Variants in DYM observed in about 807,000 individuals in gnomAD.
The protein encoded by DYM is dyggve-Melchior-Clausen syndrome protein.
DYM carries 78 observed loss-of-function variants against 93.1 expected under a neutral mutation model. That is an observed-to-expected ratio of 0.84 (90% CI 0.70 to 1.01). The LOEUF (loss-of-function observed/expected upper bound fraction) is 1.01, where lower values mean the gene tolerates loss of function less well. DYM is among the 50% of genes least tolerant of loss of function. The pLI is 0.00. For missense variants in DYM, 789 were observed against 845.0 expected, an observed-to-expected ratio of 0.93 and a Z score of 0.82; for synonymous variants, 321 against 319.7, an observed-to-expected ratio of 1.00 and a Z score of -0.04.
At chr18:49,359,346 G>A (rs1188016101) in intron 6 of DYM, among the ~76,000 whole-genome samples, 1 of 152,116 alleles carries the variant, frequency 6.6e-6, no homozygotes, top group Non-Finnish European at 1.5e-5. Context: ...GAGAGCTATG[G>A]AGTTAAGGAA....
chr18:49,233,848 C>G (rs188948615), intron 13 of DYM, among the ~76,000 whole-genome samples: 1 of 152,092 alleles, frequency 6.6e-6, no homozygotes, highest in Non-Finnish European at 1.5e-5. Flanking sequence ...TAGTGCTGGC[C>G]GGGCGCGGTG....
At chr18:49,114,697 G>T in intron 16 of DYM, 1 of 437,534 alleles carries the variant, frequency 2.3e-6, no homozygotes, top group Non-Finnish European at 3.0e-6. Context: ...GTGTTTAAGA[G>T]ATGGTCTTGA....
At chr18:49,131,961 T>C (rs1211525191) in intron 15 of DYM, among the ~76,000 whole-genome samples, 1 of 152,178 alleles carries the variant, frequency 6.6e-6, no homozygotes, top group African/African-American at 2.4e-5. Flanking sequence ...TGCTCTAGAT[T>C]AAAAGAGACA....
chr18:49,059,715 A>G (rs1324844328), intron 17 of DYM, among the ~76,000 whole-genome samples: 1 of 152,130 alleles, frequency 6.6e-6, no homozygotes, highest in Non-Finnish European at 1.5e-5. Flanking sequence ...CTTACTCAGT[A>G]CCACCGGAGA....
intron 2 of DYM, among the ~76,000 whole-genome samples, chr18:49,408,134 T>C (rs1232910742): frequency 6.6e-6 from 1 of 151,714 alleles, no homozygotes; most frequent in Non-Finnish European, 1.5e-5. Context: ...ATATATCATA[T>C]ACATTTTAAA....
intron 13 of DYM, among the ~76,000 whole-genome samples, chr18:49,222,200 ATTATAT>A (rs896890383): frequency 5.3e-5 from 8 of 152,110 alleles, no homozygotes; most frequent in Non-Finnish European, 1.0e-4. Flanking sequence ...AGAGAAAAAC[ATTATAT>A]TTATGTTATT....
At chr18:49,311,873 A>G (rs2061614247) in intron 8 of DYM, among the ~76,000 whole-genome samples, 1 of 151,956 alleles carries the variant, frequency 6.6e-6, no homozygotes. Context: ...CTTAAAGTAT[A>G]ATAATTAAAA....
rs918109165 is a variant in DYM at position 49,378,755 on chromosome 18, T to C, written c.288-55A>G. 6 of 1,580,862 alleles carry C rather than the reference T, an allele frequency of 3.8e-6. No homozygotes were observed. In the African/African-American group the frequency reaches 6.7e-5, roughly 18 times the overall value. ...ATATTTAAACATAAGCACCATAGTT[T>C]ATTTCTAGTTCATGATTTCTTCCTG... On this transcript the variant is annotated intron_variant, in intron 4 of 17. Coordinates refer to ENST00000675505, the MANE Select transcript of DYM (RefSeq NM_001353214.3).
At chr18:49,447,452 T>C (rs2148666691) in intron 1 of DYM, 1 of 152,376 alleles carries the variant, frequency 6.6e-6, no homozygotes, top group African/African-American at 2.4e-5. Flanking sequence ...GGCAGCTTTG[T>C]CCGGGATACC....
rs138724226 is a variant in DYM at position 49,119,900 on chromosome 18, C to T, written c.1729-974G>A. Among the ~76,000 whole-genome samples the T allele has an allele frequency of 9.9e-5, 15 of 151,930 alleles. No individual in the cohort carries two copies. In the Middle Eastern group the frequency reaches 0.02, roughly 207 times the overall value. On this transcript the variant is annotated intron_variant, in intron 15 of 17. Transcript: ENST00000675505. ...CTCAGGAGTTCGAGACCAGCCTGGGCAACATGACGAAACCCCATGTACACA... is the reference window on the plus strand; with the variant it reads ...CTCAGGAGTTCGAGACCAGCCTGGGTAACATGACGAAACCCCATGTACACA...
chr18:49,118,359 A>G (rs1487918883), intron 16 of DYM, among the ~76,000 whole-genome samples: 2 of 152,224 alleles, frequency 1.3e-5, no homozygotes, highest in East Asian at 1.9e-4. Flanking sequence ...ATGAATTGAT[A>G]TAAAATACTG....
intron 15 of DYM, among the ~76,000 whole-genome samples, chr18:49,155,364 C>T (rs2086284053): frequency 6.6e-6 from 1 of 152,108 alleles, no homozygotes; most frequent in East Asian, 1.9e-4. Flanking sequence ...CAAAGCACTA[C>T]TTTTTTTTCA....
intron 14 of DYM, among the ~76,000 whole-genome samples, chr18:49,164,188 T>G (rs1433209122): frequency 6.6e-6 from 1 of 152,196 alleles, no homozygotes; most frequent in African/African-American, 2.4e-5. Flanking sequence ...GACAAGATTA[T>G]TTCTCTACTG....
intron 6 of DYM, among the ~76,000 whole-genome samples, chr18:49,360,536 C>T (rs192972013): frequency 3.2e-4 from 49 of 151,960 alleles, no homozygotes; most frequent in African/African-American, 1.1e-3. Flanking sequence ...GCAGGAGAAT[C>T]GCTTCAACCC....
intron 5 of DYM, among the ~76,000 whole-genome samples, chr18:49,371,194 G>A (rs2067008344): frequency 6.6e-6 from 1 of 152,094 alleles, no homozygotes; most frequent in Non-Finnish European, 1.5e-5. Context: ...TCCCTTATTT[G>A]GAGCCTCAAA....
At chr18:49,141,501 CCTG>C (rs1281533478) in intron 15 of DYM, among the ~76,000 whole-genome samples, 1 of 152,156 alleles carries the variant, frequency 6.6e-6, no homozygotes, top group Non-Finnish European at 1.5e-5. Context: ...ACTATACTGG[CCTG>C]CTAACAGTTT....
At position 49,258,512 on chromosome 18, in the gene DYM, G is replaced by T; in HGVS notation, c.1252-19C>A. 1 of 1,438,762 alleles carries T rather than the reference G, an allele frequency of 7.0e-7. No individual in the cohort carries two copies. The highest frequency in any genetic ancestry group is 9.8e-7 in the Non-Finnish European group (1 of 1,021,624). 89.1% of individuals were successfully genotyped at this position (1,438,762 alleles called of 1,614,324 possible). Reference sequence around the variant, plus strand: ...TTAGTATCTGTAATGGGGAAGAAAAGTTTAAGTAAAAAATGATTGCTTTAC... The same window carrying T: ...TTAGTATCTGTAATGGGGAAGAAAATTTTAAGTAAAAAATGATTGCTTTAC... On this transcript the variant is annotated intron_variant, in intron 11 of 17. Transcript: ENST00000675505.
chr18:49,355,314 G>A (rs2065454821), intron 6 of DYM, among the ~76,000 whole-genome samples: 1 of 151,768 alleles, frequency 6.6e-6, no homozygotes, highest in Non-Finnish European at 1.5e-5. Context: ...AGATATCATA[G>A]ATAGACATCA....
chr18:49,114,648 G>C (rs917583101), intron 16 of DYM: 1 of 891,980 alleles, frequency 1.1e-6, no homozygotes, highest in East Asian at 1.2e-4. Flanking sequence ...GTCTTTCAGA[G>C]ACTTTTTTTT....
Sources: allele counts gnomAD v4.1 joint callset (sites outside exome capture counted in the v4.1 genomes callset), GRCh38; gene constraint gnomAD v4.1.1; transcripts MANE v1.5; gene names NCBI Gene and HGNC (gene_info 2026-07-23, HGNC 2026-07-21).